SNX6: variants seen among roughly 807,000 people sequenced by gnomAD.
The protein encoded by SNX6 is sorting nexin-6.
A neutral mutation model predicts 63.0 loss-of-function variants in SNX6; 34 were observed. The ratio of observed to expected loss-of-function variants is 0.54; its 90% CI spans 0.41 to 0.72. The LOEUF (loss-of-function observed/expected upper bound fraction) is 0.72. SNX6 is among the 30% of genes least tolerant of loss of function. The probability of loss-of-function intolerance (pLI) is 0.00; values close to 1 mark genes in which losing one functional copy is unlikely to be tolerated. For synonymous variants in SNX6, 170 were observed against 164.2 expected (o/e 1.04, Z -0.27); for missense variants, 398 against 471.4 (o/e 0.84, Z 1.44).
At chr14:34,589,495 A>G (rs1187187723) in intron 8 of SNX6, among the ~76,000 whole-genome samples, 2 of 150,508 alleles carry the variant, frequency 1.3e-5, no homozygotes, top group African/African-American at 5.0e-5. Flanking sequence ...AAGAAAACAT[A>G]AAGATTCTAA....
chr14:34,627,108 T>C (rs1180671518), intron 2 of SNX6, among the ~76,000 whole-genome samples: 4 of 151,990 alleles, frequency 2.6e-5, no homozygotes, highest in African/African-American at 4.8e-5. Flanking sequence ...GCCTCTCAAA[T>C]AGCTAGGACT....
At chr14:34,576,381 A>G (rs762654229) in intron 10 of SNX6, among the ~76,000 whole-genome samples, 3 of 86,166 alleles carry the variant, frequency 3.5e-5, no homozygotes, top group Non-Finnish European at 7.4e-5. Context: ...CAACTCTCAC[A>G]TAAAATGAAC....
intron 2 of SNX6, among the ~76,000 whole-genome samples, chr14:34,627,607 A>G (rs1228225413): frequency 6.6e-6 from 1 of 152,016 alleles, no homozygotes; most frequent in Non-Finnish European, 1.5e-5. Flanking sequence ...CTCCTGCCTC[A>G]GCCTCTGAAG....
chr14:34,582,654 T>G lies in SNX6; in HGVS notation c.795-1054A>C, dbSNP rs1881989271. ...TCCACCTCCTGGGTTCAAACGATTC[T>G]CCTGCTTCAGCCTCCTAAGTAGCTG... On this transcript the variant is annotated intron_variant, in intron 9 of 13. Coordinates refer to ENST00000362031, the MANE Select transcript of SNX6 (RefSeq NM_152233.4). Among the ~76,000 whole-genome samples the G allele has an allele frequency of 3.3e-5, 5 of 152,110 alleles. No individual in the cohort carries two copies. In the South Asian group the frequency reaches 1.0e-3, roughly 32 times the overall value.
chr14:34,600,210 C>T (rs373458703), intron 6 of SNX6, among the ~76,000 whole-genome samples: 4 of 152,082 alleles, frequency 2.6e-5, no homozygotes, highest in Non-Finnish European at 5.9e-5. Context: ...CTGCAGCCTC[C>T]GCCTCCCACA....
chr14:34,598,387 C>T (rs1484891242), intron 6 of SNX6, among the ~76,000 whole-genome samples: 2 of 152,150 alleles, frequency 1.3e-5, no homozygotes, highest in Non-Finnish European at 2.9e-5. Flanking sequence ...CTAAAGTTCA[C>T]AGGATGAAAA....
intron 2 of SNX6, among the ~76,000 whole-genome samples, chr14:34,610,408 C>T (rs1325159159): frequency 1.3e-5 from 2 of 149,156 alleles, no homozygotes; most frequent in Non-Finnish European, 3.0e-5. Context: ...CCCTATTTTC[C>T]AAGAAAGTGG....
chr14:34,577,966 G>C (rs1051098289), intron 10 of SNX6, among the ~76,000 whole-genome samples: 2 of 152,188 alleles, frequency 1.3e-5, no homozygotes, highest in Non-Finnish European at 2.9e-5. Context: ...CACTACGGGA[G>C]GACAAGGCAG....
intron 7 of SNX6, among the ~76,000 whole-genome samples, chr14:34,593,536 C>G (rs1320614356): frequency 6.7e-6 from 1 of 148,780 alleles, no homozygotes; most frequent in African/African-American, 2.5e-5. Flanking sequence ...ATAGCTGGGA[C>G]TACAGGTGCA....
intron 13 of SNX6, among the ~76,000 whole-genome samples, chr14:34,564,468 T>G (rs1054905487): frequency 3.3e-5 from 5 of 152,196 alleles, no homozygotes; most frequent in African/African-American, 1.2e-4. Context: ...GGTTGAGTAC[T>G]ACTGTTAATA....
rs1881305496 is a variant in SNX6, at chr14:34,568,737, A to C, written c.922-724T>G. The C allele has an allele frequency of 4.6e-6, 4 of 876,768 alleles. No homozygotes were observed. In the Admixed American group the frequency reaches 7.1e-5, roughly 15 times the overall value. 54.3% of individuals were successfully genotyped at this position (876,768 alleles called of 1,614,324 possible). Reference sequence around the variant, plus strand: ...CCACCTGTCCAGCGATTCTGTCCAGATCTCTCTGTCCCTGACGTGTCAGTT... The same window carrying C: ...CCACCTGTCCAGCGATTCTGTCCAGCTCTCTCTGTCCCTGACGTGTCAGTT... On this transcript the variant is annotated intron_variant, in intron 11 of 13. Transcript: ENST00000362031.
intron 11 of SNX6, among the ~76,000 whole-genome samples, chr14:34,572,922 T>C (rs928592394): frequency 6.6e-6 from 1 of 152,028 alleles, no homozygotes; most frequent in African/African-American, 2.4e-5. Flanking sequence ...GACCTCGTGA[T>C]CCACCCGCCT....
At chr14:34,607,631 G>A (rs1883072875) in intron 4 of SNX6, among the ~76,000 whole-genome samples, 1 of 151,518 alleles carries the variant, frequency 6.6e-6, no homozygotes, top group Non-Finnish European at 1.5e-5. Context: ...AACAGGGCCG[G>A]GCACGGTGGC....
intron 13 of SNX6, among the ~76,000 whole-genome samples, chr14:34,566,099 C>CT (rs1295974656): frequency 6.6e-6 from 1 of 151,830 alleles, no homozygotes; most frequent in East Asian, 1.9e-4. Flanking sequence ...CCCAGCCTCT[C>CT]TTTAAAAAAA....
intron 7 of SNX6, among the ~76,000 whole-genome samples, chr14:34,594,836 C>G (rs1882536071): frequency 6.6e-6 from 1 of 152,100 alleles, no homozygotes; most frequent in Admixed American, 6.6e-5. Context: ...GTGGCTCACA[C>G]CTGTAATCCC....
rs1343572329 is a variant in SNX6 at position 34,603,369 on chromosome 14, G to T, written c.495C>A (p.Val165=). 2 of 1,609,770 alleles carry T rather than the reference G, an allele frequency of 1.2e-6. No homozygotes were observed. Among genetic ancestry groups the T allele is most frequent in the Non-Finnish European group, 1.7e-6 (2 of 1,178,166 alleles). The change falls in exon 6 of 14, where the codon GTC becomes GTA. Residue 165 remains valine, a synonymous_variant. Transcript: ENST00000362031. ...TCACATCTTGATTATATTCCAAGAA[G>T]ACATGGAAATTTAAATCTCTTCTCA... ...PILRRDLNFH[V]FLEYNQDLSV...
intron 7 of SNX6, among the ~76,000 whole-genome samples, chr14:34,595,603 T>G (rs1045379039): frequency 6.6e-6 from 1 of 152,228 alleles, no homozygotes; most frequent in Non-Finnish European, 1.5e-5. Context: ...TTACATTTAA[T>G]GGCTAAGAAA....
chr14:34,607,540 G>A (rs1594739262), intron 4 of SNX6, among the ~76,000 whole-genome samples: 1 of 152,124 alleles, frequency 6.6e-6, no homozygotes. Flanking sequence ...AATCCAGGAG[G>A]CAGAGGTTAC....
chr14:34,625,451 G>A (rs533738822), intron 2 of SNX6, among the ~76,000 whole-genome samples: 64 of 152,196 alleles, frequency 4.2e-4, no homozygotes, highest in African/African-American at 1.5e-3. Context: ...AGCAGTTATC[G>A]GCCGGGCGCG....
Sources: gnomAD v4.1 joint callset for allele counts (sites outside exome capture counted in the v4.1 genomes callset) on GRCh38, gnomAD v4.1.1 for gene constraint, MANE v1.5 for transcripts, NCBI Gene and HGNC (gene_info 2026-07-23, HGNC 2026-07-21) for gene names.